Variants in DOCK1 observed in about 807,000 individuals in gnomAD.
DOCK1 encodes dedicator of cytokinesis protein 1.
In DOCK1, 138 loss-of-function variants were observed where a neutral mutation model predicts 262.7. The observed-to-expected ratio is 0.53, with a 90% CI of 0.46 to 0.61. The LOEUF is 0.61. DOCK1 is among the 20% of genes least tolerant of loss of function. The pLI is 0.00. For missense variants in DOCK1, 1,908 were observed against 2,370.7 expected, an observed-to-expected ratio of 0.80 and a Z score of 4.05; for synonymous variants, 866 against 867.4, an observed-to-expected ratio of 1.00 and a Z score of 0.03.
At chr10:127,346,521 A>C (rs2063640466) in intron 31 of DOCK1, among the ~76,000 whole-genome samples, 1 of 152,058 alleles carries the variant, frequency 6.6e-6, no homozygotes, top group African/African-American at 2.4e-5. Flanking sequence ...TCTTGAGCCC[A>C]GGGGGTCGGG....
At chr10:127,034,168 C>T (rs1400076253) in intron 18 of DOCK1, among the ~76,000 whole-genome samples, 6 of 152,186 alleles carry the variant, frequency 3.9e-5, no homozygotes, top group South Asian at 2.1e-4. Flanking sequence ...TAAAGACATA[C>T]CTGAGACTGG....
At chr10:127,011,450 C>T (rs2041435192) in intron 11 of DOCK1, among the ~76,000 whole-genome samples, 1 of 152,120 alleles carries the variant, frequency 6.6e-6, no homozygotes, top group South Asian at 2.1e-4. Flanking sequence ...TGTCCTTGTT[C>T]CCAGGATTGA....
intron 1 of DOCK1, among the ~76,000 whole-genome samples, chr10:126,940,828 G>C (rs1416322248): frequency 6.6e-6 from 1 of 152,196 alleles, no homozygotes; most frequent in East Asian, 1.9e-4. Context: ...ACAAGAACTG[G>C]AGTTGTGATA....
In DOCK1 at chr10:127,053,438, C is replaced by T. The variant is rs536517559; in HGVS notation, c.2336+623C>T. Among the ~76,000 whole-genome samples, 4 of 152,306 alleles carry T rather than the reference C, an allele frequency of 2.6e-5. No homozygotes were observed. The East Asian group carries it at 7.7e-4, about 29-fold the overall frequency. The stretch of plus-strand genomic sequence containing the variant: ...TCTGGGATTTCCTCCTCCTCTTTTC[C>T]TCAGTAGAGTGATGTTTCATTTCGG... On this transcript the variant is annotated intron_variant, in intron 22 of 51. Transcript: ENST00000623213.
At chr10:127,348,413 C>T (rs2063740151) in intron 31 of DOCK1, among the ~76,000 whole-genome samples, 1 of 152,160 alleles carries the variant, frequency 6.6e-6, no homozygotes, top group Non-Finnish European at 1.5e-5. Flanking sequence ...CACGTGCATC[C>T]TGGTGTGGGA....
At chr10:127,054,743 TG>T (rs1462889983) in intron 22 of DOCK1, among the ~76,000 whole-genome samples, 1 of 152,202 alleles carries the variant, frequency 6.6e-6, no homozygotes, top group African/African-American at 2.4e-5. Context: ...ATTTTTGTCA[TG>T]TTTTATTTGA....
At chr10:127,110,493 T>A in intron 25 of DOCK1, 139 bp downstream of exon 25, 1 of 742,746 alleles carries the variant, frequency 1.3e-6, no homozygotes, top group South Asian at 1.7e-5. Context: ...ACAGGAAGAT[T>A]TAGCCCTTAC....
chr10:127,221,049 A>G (rs2058418449), intron 27 of DOCK1, among the ~76,000 whole-genome samples: 1 of 152,198 alleles, frequency 6.6e-6, no homozygotes, highest in Non-Finnish European at 1.5e-5. Flanking sequence ...TGTTGGTACC[A>G]TTGGTCCATG....
chr10:127,161,642 C>T lies in DOCK1; in HGVS notation c.2847+33878C>T, dbSNP rs766180357. Among the ~76,000 whole-genome samples, 4 of 152,140 alleles carry T rather than the reference C, an allele frequency of 2.6e-5. 1 individual carries two copies. The highest frequency in any genetic ancestry group is 2.0e-4 in the Admixed American group (3 of 15,266). ...GAGTGTTGACACCTCTCCAGCTGCC[C>T]GGCTGCCACCTTTTGAGAGTTCTGC... On this transcript the variant is annotated intron_variant, in intron 27 of 51. Transcript: ENST00000623213.
At chr10:127,382,632 TG>T (rs996553250) in intron 37 of DOCK1, among the ~76,000 whole-genome samples, 3 of 152,228 alleles carry the variant, frequency 2.0e-5, no homozygotes, top group African/African-American at 7.2e-5. Flanking sequence ...TGAATTCTGA[TG>T]GCCTTCATTT....
intron 29 of DOCK1, among the ~76,000 whole-genome samples, chr10:127,307,595 G>A (rs2061922076): frequency 6.6e-6 from 1 of 152,220 alleles, no homozygotes; most frequent in African/African-American, 2.4e-5. Context: ...GGCAGAACAG[G>A]ATGGCAAACA....
intron 18 of DOCK1, among the ~76,000 whole-genome samples, chr10:127,036,768 G>C (rs1177950653): frequency 6.6e-6 from 1 of 151,942 alleles, no homozygotes; most frequent in South Asian, 2.1e-4. Context: ...GCGATCAGGA[G>C]TTCGAGATCA....
At chr10:126,917,319 G>A (rs1332415425) in intron 1 of DOCK1, among the ~76,000 whole-genome samples, 3 of 152,212 alleles carry the variant, frequency 2.0e-5, no homozygotes, top group Non-Finnish European at 2.9e-5. Context: ...GGGCTTGTGG[G>A]TAATGAACTG....
Position 127,451,594 on chromosome 10 carries a change from C to G in DOCK1, c.*167C>G. ...CAGTTCTCACCATGGAGTGAGTGGC[C>G]TTTAGCGTCATGGAGCAAGGTGGGT... On this transcript the variant is annotated 3_prime_UTR_variant, in exon 52 of 52. Coordinates refer to ENST00000623213, the MANE Select transcript of DOCK1 (RefSeq NM_001290223.2). The G allele has an allele frequency of 1.4e-6, 2 of 1,453,818 alleles. No homozygotes were observed. The highest frequency in any genetic ancestry group is 2.7e-5 in the South Asian group (2 of 73,010). 90.1% of individuals were successfully genotyped at this position (1,453,818 alleles called of 1,614,324 possible). A position where few individuals can be genotyped will look rare whatever the true frequency, so the allele number is the denominator to read the frequency against.
intron 1 of DOCK1, among the ~76,000 whole-genome samples, chr10:126,958,783 G>A (rs2036957368): frequency 6.6e-6 from 1 of 152,166 alleles, no homozygotes. Context: ...GCTCAGATGT[G>A]TTCAGGGGAG....
chr10:126,971,953 G>C (rs2038140750), intron 2 of DOCK1, among the ~76,000 whole-genome samples: 1 of 151,502 alleles, frequency 6.6e-6, no homozygotes, highest in South Asian at 2.1e-4. Flanking sequence ...TTTTGCTCTT[G>C]TTGCCCAGGC....
intron 49 of DOCK1, among the ~76,000 whole-genome samples, chr10:127,443,888 GT>G (rs1185699446): frequency 6.6e-6 from 1 of 151,924 alleles, no homozygotes; most frequent in East Asian, 1.9e-4. Flanking sequence ...GGGGCATAAG[GT>G]TTTCCAGAGT....
At chr10:127,024,071 C>A (rs2042647098) in intron 14 of DOCK1, among the ~76,000 whole-genome samples, 1 of 152,164 alleles carries the variant, frequency 6.6e-6, no homozygotes, top group Non-Finnish European at 1.5e-5. Flanking sequence ...CCTCTGATGA[C>A]CAGAGGTCAA....
At chr10:127,052,335 GGC>G (rs1441271912) in intron 21 of DOCK1, among the ~76,000 whole-genome samples, 1 of 152,040 alleles carries the variant, frequency 6.6e-6, no homozygotes, top group Admixed American at 6.6e-5. Flanking sequence ...GACCAGCCCG[GGC>G]AAATGGTGAG....
Sources: gnomAD v4.1 joint callset for allele counts (sites outside exome capture counted in the v4.1 genomes callset) on GRCh38, gnomAD v4.1.1 for gene constraint, MANE v1.5 for transcripts, NCBI Gene and HGNC (gene_info 2026-07-23, HGNC 2026-07-21) for gene names.